The following MAPK14 variants were observed in gnomAD, a reference collection of about 807,000 sequenced individuals.
MAPK14 encodes mitogen-activated protein kinase 14, also known as CSAID-binding protein.
Under a neutral mutation model 49.6 loss-of-function variants are expected in MAPK14, and 16 were observed. The ratio of observed to expected loss-of-function variants is 0.32; its 90% CI spans 0.22 to 0.49. The LOEUF is 0.49. Ranked by LOEUF, MAPK14 falls within the 20% of genes least tolerant of loss-of-function variation. The pLI is 0.99. For synonymous variants in MAPK14, 142 were observed against 158.0 expected, an observed-to-expected ratio of 0.90 and a Z score of 0.76; for missense variants, 200 against 441.2, an observed-to-expected ratio of 0.45 and a Z score of 4.90.
intron 1 of MAPK14, among the ~76,000 whole-genome samples, chr6:36,050,219 A>G (rs1298471032): frequency 2.6e-5 from 4 of 152,198 alleles, no homozygotes; most frequent in African/African-American, 7.2e-5. Flanking sequence ...AGTACATCAG[A>G]GAGACAGACA....
downstream of MAPK14, among the ~76,000 whole-genome samples, chr6:36,115,343 T>G (rs1437643965): frequency 1.3e-5 from 2 of 152,216 alleles, no homozygotes; most frequent in African/African-American, 4.8e-5. Flanking sequence ...TCTAAACTCT[T>G]GTCAGATCTA....
the MAPK14 span, among the ~76,000 whole-genome samples, chr6:36,121,151 C>T: frequency 1.3e-5 from 2 of 152,148 alleles, no homozygotes; most frequent in Non-Finnish European, 2.9e-5. Flanking sequence ...GAGGAAGGCA[C>T]GCTTGCGGAT....
At chr6:36,087,007 A>G (rs112586891) in intron 8 of MAPK14, among the ~76,000 whole-genome samples, 3,232 of 152,306 alleles carry the variant, frequency 0.021, 110 homozygotes, top group African/African-American at 0.068. Context: ...AAATCAATAA[A>G]CATAATTGAT....
At chr6:36,073,575 T>A in intron 4 of MAPK14, 116 bp from the exon 5 acceptor site, 1 of 773,136 alleles carries the variant, frequency 1.3e-6, no homozygotes, top group Non-Finnish European at 2.2e-6. Flanking sequence ...TGCTGATTTC[T>A]AATCTTACTA....
chr6:36,072,371 G>T (rs1439425716), intron 3 of MAPK14, among the ~76,000 whole-genome samples: 1 of 152,040 alleles, frequency 6.6e-6, no homozygotes, highest in Non-Finnish European at 1.5e-5. Context: ...TGAAAATGAG[G>T]TAATGAGGTG....
intron 3 of MAPK14, among the ~76,000 whole-genome samples, chr6:36,071,581 T>G (rs1365185429): frequency 1.3e-5 from 2 of 152,258 alleles, no homozygotes; most frequent in East Asian, 1.9e-4. Context: ...CCTCCTTCCT[T>G]TAAGGTAAAT....
chr6:36,117,718 A>C, the MAPK14 span, among the ~76,000 whole-genome samples: 1 of 152,206 alleles, frequency 6.6e-6, no homozygotes, highest in Non-Finnish European at 1.5e-5. Context: ...ATGAGTTAAG[A>C]CATGAAAAAC....
intron 1 of MAPK14, among the ~76,000 whole-genome samples, chr6:36,047,734 T>TC (rs1763236189): frequency 7.0e-6 from 1 of 143,112 alleles, no homozygotes; most frequent in African/African-American, 2.8e-5. Flanking sequence ...CATGCCTGAC[T>TC]AATTTTTTTT....
chr6:36,093,143 A>G (rs1468105043), intron 8 of MAPK14, among the ~76,000 whole-genome samples: 2 of 152,194 alleles, frequency 1.3e-5, no homozygotes, highest in African/African-American at 2.4e-5. Context: ...TACATAAATA[A>G]GTACTTGGAA....
intron 1 of MAPK14, among the ~76,000 whole-genome samples, chr6:36,036,751 A>T (rs1000972653): frequency 1.1e-4 from 17 of 151,800 alleles, no homozygotes; most frequent in Middle Eastern, 3.4e-3. Flanking sequence ...TTATTTATTT[A>T]TTTTTTCTAG....
chr6:36,109,270 C>T lies in MAPK14; in HGVS notation c.*823C>T, dbSNP rs1273060145. 1 of 152,636 alleles carries T rather than the reference C, an allele frequency of 6.6e-6. No homozygotes were observed. The highest frequency in any genetic ancestry group is 1.5e-5 in the Non-Finnish European group (1 of 68,116). The allele number at this position is 152,636 out of a possible 1,614,324, so 9.5% of individuals were successfully genotyped here. A position where few individuals can be genotyped will look rare whatever the true frequency, so the allele number is the denominator to read the frequency against. On this transcript the variant is annotated 3_prime_UTR_variant, in exon 12 of 12. Transcript: ENST00000229794. ...TGTTGCCATTTCTCTGCTTACCCTTCACCTTTGGTGCAGAGGTTTCTTGAA... is the reference window on the plus strand; with the variant it reads ...TGTTGCCATTTCTCTGCTTACCCTTTACCTTTGGTGCAGAGGTTTCTTGAA...
intron 6 of MAPK14, among the ~76,000 whole-genome samples, chr6:36,075,633 C>T (rs890098596): frequency 1.3e-5 from 2 of 152,098 alleles, no homozygotes; most frequent in South Asian, 4.1e-4. Context: ...CTGGGAGTGA[C>T]ATTTTTGTTT....
chr6:36,105,605 A>G (rs748018233), intron 10 of MAPK14, among the ~76,000 whole-genome samples: 14 of 152,222 alleles, frequency 9.2e-5, no homozygotes, highest in Non-Finnish European at 1.8e-4. Context: ...GCATTCACCT[A>G]GTACTGTAAA....
chr6:36,071,365 C>G (rs1180663237), intron 3 of MAPK14, among the ~76,000 whole-genome samples: 1 of 151,892 alleles, frequency 6.6e-6, no homozygotes, highest in East Asian at 1.9e-4. Flanking sequence ...CTTTTTAGAA[C>G]CGATCTACTT....
intron 1 of MAPK14, among the ~76,000 whole-genome samples, chr6:36,042,476 C>CTTTTT (rs113286534): frequency 2.5e-4 from 26 of 102,642 alleles, no homozygotes; most frequent in Admixed American, 4.7e-4. Context: ...GAAGGAATAT[C>CTTTTT]TTTTTTTTTT....
At chr6:36,120,608 G>C in the MAPK14 span, among the ~76,000 whole-genome samples, 1 of 152,132 alleles carries the variant, frequency 6.6e-6, no homozygotes, top group Non-Finnish European at 1.5e-5. Flanking sequence ...TCCCCCGGCT[G>C]TTTTCGCGTT....
In MAPK14 at chr6:36,102,652, A is replaced by G. The variant is rs1235108656; in HGVS notation, c.841+3A>G. The stretch of plus-strand genomic sequence containing the variant: ...ATTTATTGGTGCCAATCCCCTGGGT[A>G]AGTTGACCATATATCCTCACCTCAT... On this transcript the variant is annotated splice_donor_region_variant and intron_variant, in intron 10 of 11. Transcript: ENST00000229794. The G allele has an allele frequency of 6.2e-7, 1 of 1,613,652 alleles. No individual in the cohort carries two copies. The highest frequency in any genetic ancestry group is 1.1e-5 in the South Asian group (1 of 91,070).
Position 36,059,487 on chromosome 6 carries a change from A to G in MAPK14, c.305+140A>G. On this transcript the variant is annotated intron_variant, in intron 3 of 11. Transcript: ENST00000229794. ...CATGCACCTCTTTTTGGGTGTAGGG[A>G]TGGATACCAGAAGATGTATGTTATG... 5 of 667,760 alleles carry G rather than the reference A, an allele frequency of 7.5e-6. No individual in the cohort carries two copies. The South Asian group carries it at 8.8e-5, about 12-fold the overall frequency. 41.4% of individuals were successfully genotyped at this position (667,760 alleles called of 1,614,324 possible). A position where few individuals can be genotyped will look rare whatever the true frequency, so the allele number is the denominator to read the frequency against.
At position 36,028,220 on chromosome 6, in the gene MAPK14, C is replaced by T; in HGVS notation, c.63C>T (p.Pro21=). 1 of 1,613,914 alleles carries T rather than the reference C, an allele frequency of 6.2e-7. No homozygotes were observed. The highest frequency in any genetic ancestry group is 8.5e-7 in the Non-Finnish European group (1 of 1,179,826). ...QELNKTIWEV[P]ERYQNLSPVG... ...TGAACAAGACAATCTGGGAGGTGCCCGAGCGTTACCAGAACCTGTCTCCAG... is the reference window on the plus strand; with the variant it reads ...TGAACAAGACAATCTGGGAGGTGCCTGAGCGTTACCAGAACCTGTCTCCAG... The change falls in exon 1 of 12, where the codon CCC becomes CCT. Residue 21 remains proline (P), a synonymous_variant. Coordinates refer to ENST00000229794, the MANE Select transcript of MAPK14 (RefSeq NM_139012.3). This position sits in a 1 kb window ranked among gnomAD's most constrained non-coding sequence, Gnocchi z 5.1.
Sources: gnomAD v4.1 joint callset for allele counts (sites outside exome capture counted in the v4.1 genomes callset) on GRCh38, gnomAD v4.1.1 for gene constraint, Gnocchi (gnomAD v3.1) non-coding constraint, MANE v1.5 for transcripts, NCBI Gene and HGNC (gene_info 2026-07-23, HGNC 2026-07-21) for gene names.